UVSSA: variants seen among roughly 807,000 people sequenced by gnomAD.
The protein encoded by UVSSA is UV stimulated scaffold protein A.
A neutral mutation model predicts 73.9 loss-of-function variants in UVSSA; 72 were observed. The observed-to-expected ratio is 0.97, with a 90% confidence interval of 0.81 to 1.19. The LOEUF is 1.19. UVSSA is among the 50% of genes most tolerant of loss of function. The pLI is 0.00. For synonymous variants in UVSSA, 454 were observed against 391.3 expected, an observed-to-expected ratio of 1.16 and a Z score of -1.89; for missense variants, 1,150 against 965.0, an observed-to-expected ratio of 1.19 and a Z score of -2.54.
intron 8 of UVSSA, among the ~76,000 whole-genome samples, chr4:1,369,011 G>T (rs917901136): frequency 6.6e-6 from 1 of 152,244 alleles, no homozygotes; most frequent in South Asian, 2.1e-4. Flanking sequence ...GGAGGGGAGG[G>T]TGCCTTAGAA....
chr4:1,367,465 C>G (rs762290857), intron 8 of UVSSA, among the ~76,000 whole-genome samples: 36 of 152,314 alleles, frequency 2.4e-4, no homozygotes, highest in Non-Finnish European at 4.4e-4. Context: ...GAAGATATGA[C>G]CCATTAAGGG....
chr4:1,354,171 C>A (rs1715272677), intron 5 of UVSSA, among the ~76,000 whole-genome samples: 1 of 152,234 alleles, frequency 6.6e-6, no homozygotes, highest in Non-Finnish European at 1.5e-5. Flanking sequence ...AGAGGTGCCT[C>A]AGCAGTGAGG....
chr4:1,375,568 A>G, intron 9 of UVSSA, 60 bp downstream of exon 9: 2 of 1,571,950 alleles, frequency 1.3e-6, no homozygotes, highest in African/African-American at 1.3e-5. Context: ...GCCTCTGCCC[A>G]GAGCACTGGC....
chr4:1,349,041 TGTTTGTGCCGGGCGGTTGGC>T (rs1265950618), intron 2 of UVSSA, among the ~76,000 whole-genome samples: 9 of 120,654 alleles, frequency 7.5e-5, no homozygotes, highest in South Asian at 4.8e-4. Context: ...AGGCGGTGTG[TGTTTGTGCCGGGCGGTTGGC>T]GTTTGTGCCG....
intron 12 of UVSSA, among the ~76,000 whole-genome samples, chr4:1,382,510 T>C (rs1472044397): frequency 6.6e-6 from 1 of 152,202 alleles, no homozygotes; most frequent in Admixed American, 6.5e-5. Flanking sequence ...ATCTATTGAT[T>C]TTCCTCAAAG....
Position 1,375,933 on chromosome 4 carries a change from G to T in UVSSA, c.1434-101G>T, listed in dbSNP as rs977118660. 9 of 1,512,402 alleles carry T rather than the reference G, an allele frequency of 6.0e-6. No individual in the cohort carries two copies. In the East Asian group the frequency reaches 1.5e-4, roughly 25 times the overall value. The allele number at this position is 1,512,402 out of a possible 1,614,324, so 93.7% of individuals were successfully genotyped here. On this transcript the variant is annotated intron_variant, in intron 9 of 13. Transcript: ENST00000389851. Reference sequence around the variant, plus strand: ...GCAGAAGCCATTGCTCACCTGATCCGACCCGAGGCCCCAGCCTTGCTGTGG... The same window carrying T: ...GCAGAAGCCATTGCTCACCTGATCCTACCCGAGGCCCCAGCCTTGCTGTGG...
In UVSSA at chr4:1,395,392, G is replaced by A. The variant is rs200722152; in HGVS notation, c.*9431G>A. ...ATGTGGAGTGCCCGCCTGCTCACACGTGCCCATGTGGAGTGCCCGCCTGCT... is the reference window on the plus strand; with the variant it reads ...ATGTGGAGTGCCCGCCTGCTCACACATGCCCATGTGGAGTGCCCGCCTGCT... On this transcript the variant is annotated 3_prime_UTR_variant, in exon 14 of 14. Coordinates refer to the UVSSA transcript ENST00000511216. 1.2e-4 allele frequency: 178 copies of A among 1,501,534 alleles called. 1 individual carries two copies. The highest frequency in any genetic ancestry group is 6.5e-4 in the South Asian group (57 of 87,912). The allele number at this position is 1,501,534 out of a possible 1,614,324, so 93.0% of individuals were successfully genotyped here.
Position 1,366,304 on chromosome 4 carries a change from G to C in UVSSA, c.1177-16G>C, listed in dbSNP as rs374829899. ...AGGGTCTGGGGGTTGATTTGTATTGGGGTGTTTTTCCACAGACAGAAGCCC... is the reference window on the plus strand; with the variant it reads ...AGGGTCTGGGGGTTGATTTGTATTGCGGTGTTTTTCCACAGACAGAAGCCC... On this transcript the variant is annotated splice_polypyrimidine_tract_variant and intron_variant, in intron 7 of 13. Transcript: ENST00000389851. 5.6e-6 allele frequency: 9 copies of C among 1,595,664 alleles called. No homozygotes were observed. In the African/African-American group the frequency reaches 9.4e-5, roughly 17 times the overall value.
rs145959560 is a variant in UVSSA, at chr4:1,352,572, C to T, written c.551-458C>T. 4.1e-3 allele frequency among the ~76,000 whole-genome samples: 632 copies of T among 152,330 alleles called. 5 individuals carry two copies. Among genetic ancestry groups the T allele is most frequent in the South Asian group, 7.3e-3 (35 of 4,824 alleles). On this transcript the variant is annotated intron_variant, in intron 4 of 13. Coordinates refer to ENST00000389851, the MANE Select transcript of UVSSA (RefSeq NM_020894.4). ...AGTGCAGGTGGGCTGACCTCCCCTG[C>T]GCACTCGTGCTTGCTACCCAGAGGT...
chr4:1,344,108 A>G (rs1274723792), upstream of UVSSA, among the ~76,000 whole-genome samples: 1 of 151,924 alleles, frequency 6.6e-6, no homozygotes, highest in East Asian at 1.9e-4. Context: ...TGTATGTCAT[A>G]CGCCTTGTTT....
intron 10 of UVSSA, among the ~76,000 whole-genome samples, chr4:1,378,457 G>A (rs776236543): frequency 6.6e-6 from 1 of 152,186 alleles, no homozygotes; most frequent in South Asian, 2.1e-4. Context: ...AGACTGAGGC[G>A]GGAGAATCGC....
intron 10 of UVSSA, among the ~76,000 whole-genome samples, chr4:1,378,915 C>T (rs550093256): frequency 1.1e-4 from 17 of 152,356 alleles, no homozygotes; most frequent in African/African-American, 4.1e-4. Context: ...ATTCTGCCTG[C>T]GTTCCCACCC....
intron 10 of UVSSA, among the ~76,000 whole-genome samples, chr4:1,376,995 G>T (rs371830225): frequency 6.6e-6 from 1 of 152,190 alleles, no homozygotes; most frequent in African/African-American, 2.4e-5. Context: ...GAATATTGCC[G>T]TCCCCACAGC....
intron 8 of UVSSA, among the ~76,000 whole-genome samples, chr4:1,367,731 C>T (rs1212011499): frequency 3.9e-5 from 6 of 152,140 alleles, no homozygotes; most frequent in Non-Finnish European, 8.8e-5. Flanking sequence ...TCTCCAGGGG[C>T]AGGCAGGCAG....
At chr4:1,345,321 T>G (rs1713582313), upstream of UVSSA, among the ~76,000 whole-genome samples, 1 of 151,864 alleles carries the variant, frequency 6.6e-6, no homozygotes, top group African/African-American at 2.4e-5. Context: ...AGATAATTGG[T>G]CCAAGCGAAC....
At chr4:1,349,332 G>A (rs1714294759) in intron 2 of UVSSA, among the ~76,000 whole-genome samples, 192 bp from the exon 3 acceptor site, 1 of 152,230 alleles carries the variant, frequency 6.6e-6, no homozygotes, top group African/African-American at 2.4e-5. Flanking sequence ...ACAGAAACAG[G>A]CAGGGGCTGG....
At chr4:1,351,291 C>T (rs548113251) in intron 3 of UVSSA, among the ~76,000 whole-genome samples, 1 of 152,082 alleles carries the variant, frequency 6.6e-6, no homozygotes, top group African/African-American at 2.4e-5. Flanking sequence ...GTCTCAATCT[C>T]CTGACCTTGT....
chr4:1,347,791 G>T (rs142282980), intron 1 of UVSSA, 31 bp downstream of exon 1: 23 of 326,182 alleles, frequency 7.1e-5, no homozygotes, highest in East Asian at 5.8e-4. Flanking sequence ...CAGTCACGTT[G>T]GGGAAAAGCT....
At chr4:1,378,532 C>A (rs950798412) in intron 10 of UVSSA, among the ~76,000 whole-genome samples, 1 of 152,090 alleles carries the variant, frequency 6.6e-6, no homozygotes, top group Non-Finnish European at 1.5e-5. Context: ...GCCTGGGCAA[C>A]AGAGCAAGAG....
Sources: allele counts gnomAD v4.1 joint callset (sites outside exome capture counted in the v4.1 genomes callset), GRCh38; gene constraint gnomAD v4.1.1; transcripts MANE v1.5; gene names NCBI Gene and HGNC (gene_info 2026-07-23, HGNC 2026-07-21).